RGS8: variants seen among roughly 807,000 people sequenced by gnomAD.
The protein encoded by RGS8 is regulator of G protein signaling 8.
Under a neutral mutation model 21.7 loss-of-function variants are expected in RGS8, and 8 were observed. That is an observed-to-expected ratio of 0.37 (90% confidence interval 0.22 to 0.66). RGS8 has a LOEUF of 0.66. RGS8 is among the 30% of genes least tolerant of loss of function. The pLI, the probability that RGS8 is intolerant of heterozygous loss-of-function variation, is 0.59. For synonymous variants in RGS8, 80 were observed against 83.6 expected (o/e 0.96, Z 0.24); for missense variants, 157 against 217.9 (o/e 0.72, Z 1.76).
chr1:182,684,404 G>T lies in RGS8; in HGVS notation n.173C>A, dbSNP rs949072766. ...GAAGGTGTGGCTGGTGCGGGCCCCA[G>T]CTGGGCATGGTTCGGTGAGGCCCTG... is the stretch of plus-strand genomic sequence containing the variant. On this transcript the variant is annotated non_coding_transcript_exon_variant, in exon 1 of 5. It adds an upstream start codon to the 5' untranslated region. Transcript: ENST00000515211. This position sits in a 1 kb window ranked among gnomAD's most constrained non-coding sequence, Gnocchi z 4.2. 1 of 152,464 alleles carries T rather than the reference G, an allele frequency of 6.6e-6. No homozygotes were observed. The highest frequency in any genetic ancestry group is 1.5e-5 in the Non-Finnish European group (1 of 68,230). The allele number at this position is 152,464 out of a possible 1,614,324, so 9.4% of individuals were successfully genotyped here.
the RGS8 span, chr1:182,712,883 G>A: frequency 4.6e-5 from 7 of 152,296 alleles, no homozygotes; most frequent in Non-Finnish European, 5.9e-5. Flanking sequence ...TCATGGTGAC[G>A]ACCAGGTAAA....
At chr1:182,716,011 C>T in the RGS8 span, among the ~76,000 whole-genome samples, 6 of 152,168 alleles carry the variant, frequency 3.9e-5, no homozygotes, top group South Asian at 6.2e-4. Flanking sequence ...AAAATGGCAT[C>T]GTATTTGCAT....
intron 5 of RGS8, among the ~76,000 whole-genome samples, chr1:182,657,198 T>C (rs1166508122): frequency 6.6e-6 from 1 of 151,424 alleles, no homozygotes; most frequent in Non-Finnish European, 1.5e-5. Context: ...CTCCACACTG[T>C]TTCTCCCCTT....
the RGS8 span, among the ~76,000 whole-genome samples, chr1:182,741,006 T>TC: frequency 6.6e-6 from 1 of 151,312 alleles, no homozygotes; most frequent in Non-Finnish European, 1.5e-5. Context: ...TCCCCACCTT[T>TC]CCCCCCTTTC....
chr1:182,666,851 G>T (rs367601919), intron 4 of RGS8, 21 bp downstream of exon 5: 119 of 1,570,496 alleles, frequency 7.6e-5, no homozygotes, highest in Non-Finnish European at 1.0e-4. Context: ...CCAGGGAATG[G>T]CACGTGGCCG....
chr1:182,648,190 A>G, exon 6 of RGS8: 1 of 1,613,808 alleles, frequency 6.2e-7, no homozygotes, highest in Non-Finnish European at 8.5e-7. Context: ...TGGGCCTTAG[A>G]GACCAGTTTT....
chr1:182,724,014 T>C, the RGS8 span, among the ~76,000 whole-genome samples: 77 of 151,530 alleles, frequency 5.1e-4, no homozygotes, highest in African/African-American at 1.6e-3. Flanking sequence ...CTTGATTGGA[T>C]TGAAGTATGC....
chr1:182,727,256 T>C, the RGS8 span, among the ~76,000 whole-genome samples: 46 of 152,356 alleles, frequency 3.0e-4, no homozygotes, highest in African/African-American at 1.1e-3. Context: ...CTCTGTACCT[T>C]AGCTCTTCAT....
the RGS8 span, among the ~76,000 whole-genome samples, chr1:182,746,113 G>A: frequency 6.6e-6 from 1 of 151,966 alleles, no homozygotes; most frequent in Admixed American, 6.6e-5. Flanking sequence ...ATTCTTCCCT[G>A]GGCTAAAAAG....
upstream of RGS8, among the ~76,000 whole-genome samples, chr1:182,689,368 G>C (rs1462205019): frequency 6.6e-6 from 1 of 151,624 alleles, no homozygotes; most frequent in East Asian, 1.9e-4. Context: ...TCCTTCCCTG[G>C]TATATCTTAC....
upstream of RGS8, among the ~76,000 whole-genome samples, chr1:182,676,989 C>A (rs1017629894): frequency 6.6e-6 from 1 of 152,152 alleles, no homozygotes; most frequent in Non-Finnish European, 1.5e-5. Flanking sequence ...TCCAGTACAT[C>A]ACACCCTATT....
the RGS8 span, among the ~76,000 whole-genome samples, chr1:182,692,756 G>A: frequency 6.9e-6 from 1 of 144,932 alleles, no homozygotes; most frequent in African/African-American, 2.5e-5. Flanking sequence ...AAATAAAACA[G>A]CATGGTCCTG....
At chr1:182,690,915 C>G in the RGS8 span, among the ~76,000 whole-genome samples, 1 of 152,200 alleles carries the variant, frequency 6.6e-6, no homozygotes, top group African/African-American at 2.4e-5. Context: ...CAAATTGGGG[C>G]TTGCTTTCTC....
intron 5 of RGS8, among the ~76,000 whole-genome samples, chr1:182,654,790 G>A (rs12407819): frequency 0.074 from 11,205 of 152,200 alleles, 787 homozygotes; most frequent in African/African-American, 0.17. Context: ...AAGGGAGCAA[G>A]AACTTTTAAT....
At chr1:182,732,265 T>TCACACA in the RGS8 span, among the ~76,000 whole-genome samples, 63 of 83,582 alleles carry the variant, frequency 7.5e-4, no homozygotes, top group South Asian at 3.1e-3. Context: ...TCTCGCTCTC[T>TCACACA]CTCTCATACA....
the RGS8 span, among the ~76,000 whole-genome samples, chr1:182,716,761 G>A: frequency 6.6e-6 from 1 of 152,120 alleles, no homozygotes; most frequent in Non-Finnish European, 1.5e-5. Flanking sequence ...ACCTGAGTTT[G>A]AATTCCGGCC....
At chr1:182,691,460 G>C in the RGS8 span, among the ~76,000 whole-genome samples, 1 of 151,978 alleles carries the variant, frequency 6.6e-6, no homozygotes, top group Admixed American at 6.6e-5. Flanking sequence ...GATTAAGTAG[G>C]CTTTATTCTT....
chr1:182,648,035 G>A (rs1571304962), intron 6 of RGS8, 102 bp downstream of exon 7: 2 of 1,056,262 alleles, frequency 1.9e-6, no homozygotes, highest in East Asian at 5.1e-5. Context: ...GCTCAGTTTA[G>A]TATAAGAAAG....
the RGS8 span, among the ~76,000 whole-genome samples, chr1:182,699,970 C>T: frequency 6.6e-6 from 1 of 152,198 alleles, no homozygotes; most frequent in Non-Finnish European, 1.5e-5. Context: ...GGATAAGATC[C>T]GGCACCTCAC....
Sources: allele counts gnomAD v4.1 joint callset (sites outside exome capture counted in the v4.1 genomes callset), GRCh38; gene constraint gnomAD v4.1.1; non-coding constraint Gnocchi (gnomAD v3.1); transcripts MANE v1.5; gene names NCBI Gene and HGNC (gene_info 2026-07-23, HGNC 2026-07-21).